Variants in EMP2 observed in about 807,000 individuals in gnomAD.
The protein encoded by EMP2 is epithelial membrane protein 2.
Under a neutral mutation model 13.7 loss-of-function variants are expected in EMP2, and 19 were observed. The observed-to-expected ratio is 1.38, with a 90% CI of 0.97 to 2.03. The LOEUF (loss-of-function observed/expected upper bound fraction) is 2.03. Among genes scored for constraint, EMP2 ranks in the 30% most tolerant of loss-of-function variants. The pLI, the probability that EMP2 is intolerant of heterozygous loss-of-function variation, is 0.00. For synonymous variants in EMP2, 97 were observed against 84.7 expected (o/e 1.15, Z -0.80); for missense variants, 253 against 220.7 (o/e 1.15, Z -0.93).
chr16:10,549,715 G>GCGCACACA (rs879352910), intron 1 of EMP2, among the ~76,000 whole-genome samples: 480 of 80,732 alleles, frequency 5.9e-3, no homozygotes, highest in African/African-American at 0.028. Flanking sequence ...ATTAATGCAC[G>GCGCACACA]CACACACACA....
intron 1 of EMP2, among the ~76,000 whole-genome samples, chr16:10,572,699 G>A (rs1297531312): frequency 1.3e-5 from 2 of 152,132 alleles, no homozygotes; most frequent in East Asian, 3.9e-4. Flanking sequence ...TTTCCAAATA[G>A]CACCTCCTCG....
chr16:10,560,788 A>C (rs143213274), intron 1 of EMP2, among the ~76,000 whole-genome samples: 79 of 152,226 alleles, frequency 5.2e-4, no homozygotes, highest in Non-Finnish European at 1.0e-3. Flanking sequence ...TGTCACAGGC[A>C]AGGAGTTCGG....
chr16:10,569,472 C>A (rs914799838), intron 1 of EMP2, among the ~76,000 whole-genome samples: 1 of 152,008 alleles, frequency 6.6e-6, no homozygotes, highest in Non-Finnish European at 1.5e-5. Flanking sequence ...GTGCATGCCA[C>A]CATACCTGGG....
rs1180516254 is a variant in EMP2 at position 10,532,762 on chromosome 16, T to TTC, written c.*142_*143insGA. 265 of 209,764 alleles carry TTC rather than the reference T, an allele frequency of 1.3e-3. 16 individuals are homozygous for TTC. The highest frequency in any genetic ancestry group is 4.6e-3 in the African/African-American group (119 of 25,832). The allele number at this position is 209,764 out of a possible 1,614,324, so 13.0% of individuals were successfully genotyped here. A position where few individuals can be genotyped will look rare whatever the true frequency, so the allele number is the denominator to read the frequency against. On this transcript the variant is annotated 3_prime_UTR_variant, in exon 5 of 5. Transcript: ENST00000359543. ...TGGATTTTTTTTTTCTTTTTTCTTTTTTTTTTTTTTTTTTTTTTTTTTTTG... is the reference window on the plus strand; with the variant it reads ...TGGATTTTTTTTTTCTTTTTTCTTTTTCTTTTTTTTTTTTTTTTTTTTTTTTG...
chr16:10,548,352 G>C (rs2050755918), intron 1 of EMP2, among the ~76,000 whole-genome samples: 1 of 152,106 alleles, frequency 6.6e-6, no homozygotes, highest in Non-Finnish European at 1.5e-5. Flanking sequence ...CAAAGCAAAA[G>C]TGATCACAAT....
chr16:10,537,460 T>C (rs945760761), intron 4 of EMP2, among the ~76,000 whole-genome samples: 4 of 152,144 alleles, frequency 2.6e-5, no homozygotes, highest in Admixed American at 1.3e-4. Flanking sequence ...AAATCCTTTC[T>C]ATGGCCTGCA....
In EMP2 at chr16:10,547,567, G is replaced by A. The variant is rs775616124; in HGVS notation, c.51C>T (p.Ala17=). 1 of 1,614,170 alleles carries A rather than the reference G, an allele frequency of 6.2e-7. No homozygotes were observed. The highest frequency in any genetic ancestry group is 1.1e-5 in the South Asian group (1 of 91,074). ...TGTCGACGGTGGCAATGAACAGCAAGGCTGCAGAGGTGATGTGGAAGGCGA... is the reference window on the plus strand; with the variant it reads ...TGTCGACGGTGGCAATGAACAGCAAAGCTGCAGAGGTGATGTGGAAGGCGA... ...FIIAFHITSA[A]LLFIATVDNA... Residue 17 remains alanine, a synonymous_variant, in exon 2 of 5, where the codon GCC becomes GCT. Transcript: ENST00000359543.
At chr16:10,573,086 G>T (rs1385254805) in intron 1 of EMP2, among the ~76,000 whole-genome samples, 4 of 152,154 alleles carry the variant, frequency 2.6e-5, no homozygotes, top group Non-Finnish European at 5.9e-5. Flanking sequence ...GTCTTGCTCT[G>T]TCACCCAGGC....
At chr16:10,541,680 A>G (rs2050699865) in intron 3 of EMP2, among the ~76,000 whole-genome samples, 1 of 152,190 alleles carries the variant, frequency 6.6e-6, no homozygotes, top group Non-Finnish European at 1.5e-5. Flanking sequence ...GCATGACAGA[A>G]TAACAGACGA....
At chr16:10,536,346 C>G (rs992310326) in intron 4 of EMP2, among the ~76,000 whole-genome samples, 1 of 152,108 alleles carries the variant, frequency 6.6e-6, no homozygotes, top group African/African-American at 2.4e-5. Context: ...GTGTCCCCAC[C>G]CCAATCTCAC....
At chr16:10,578,191 G>C (rs1259498172) in intron 1 of EMP2, 1 of 152,178 alleles carries the variant, frequency 6.6e-6, no homozygotes, top group Non-Finnish European at 1.5e-5. Context: ...CTGTATAGCA[G>C]AGGCGAGGGC....
In EMP2 at chr16:10,547,609, C is replaced by G; in HGVS notation, c.9G>C (p.Val3=). 6.2e-7 allele frequency: 1 copy of G among 1,614,116 alleles called. No homozygotes were observed. Among genetic ancestry groups the G allele is most frequent in the Non-Finnish European group, 8.5e-7 (1 of 1,180,012 alleles). The stretch of plus-strand genomic sequence containing the variant: ...GGAAGGCGATGATGAAAGCAAGAAG[C>G]ACCAACATTTTCACAGGGCAGGGCG... ML[V]LLAFIIAFHI... is the part of the protein sequence containing the mutation. The change falls in exon 2 of 5, where the codon GTG becomes GTC. Residue 3 remains valine (V), a synonymous_variant. Coordinates refer to ENST00000359543, the MANE Select transcript of EMP2 (RefSeq NM_001424.6).
intron 3 of EMP2, among the ~76,000 whole-genome samples, chr16:10,541,784 C>T (rs950094984): frequency 6.6e-6 from 1 of 152,196 alleles, no homozygotes; most frequent in African/African-American, 2.4e-5. Flanking sequence ...ATCATTCGCT[C>T]CTGGCTATGC....
chr16:10,560,743 G>C (rs1269313620), intron 1 of EMP2, among the ~76,000 whole-genome samples: 2 of 152,186 alleles, frequency 1.3e-5, no homozygotes, highest in African/African-American at 2.4e-5. Context: ...ACCTGAGCTG[G>C]GTCTCTAAGG....
intron 1 of EMP2, among the ~76,000 whole-genome samples, chr16:10,562,336 TTCTC>T (rs540802206): frequency 0.16 from 20,216 of 123,798 alleles, 1,343 homozygotes; most frequent in Non-Finnish European, 0.18. Context: ...CTCATGCATG[TTCTC>T]TCTCTCTCTC....
chr16:10,547,420 T>G, intron 2 of EMP2, 120 bp downstream of exon 2: 1 of 1,105,682 alleles, frequency 9.0e-7, no homozygotes, highest in Non-Finnish European at 1.3e-6. Context: ...CTCATTTTCC[T>G]TATAAATTAC....
At chr16:10,562,099 C>A (rs1342351519) in intron 1 of EMP2, among the ~76,000 whole-genome samples, 1 of 152,110 alleles carries the variant, frequency 6.6e-6, no homozygotes, top group Non-Finnish European at 1.5e-5. Flanking sequence ...ATTCCAAAAC[C>A]AGACAAAGAC....
At chr16:10,579,708 G>GCACGCACACACACA (rs1555461492) in intron 1 of EMP2, among the ~76,000 whole-genome samples, 3,986 of 146,736 alleles carry the variant, frequency 0.027, 83 homozygotes, top group Middle Eastern at 0.059. Flanking sequence ...AGATCAAGGT[G>GCACGCACACACACA]CACACACACA....
At chr16:10,534,845 C>T (rs1011149672) in intron 4 of EMP2, among the ~76,000 whole-genome samples, 1 of 152,216 alleles carries the variant, frequency 6.6e-6, no homozygotes, top group African/African-American at 2.4e-5. Flanking sequence ...CTGTGGTTTT[C>T]CTTGGGGGAC....
Sources: gnomAD v4.1 joint callset for allele counts (sites outside exome capture counted in the v4.1 genomes callset) on GRCh38, gnomAD v4.1.1 for gene constraint, MANE v1.5 for transcripts, NCBI Gene and HGNC (gene_info 2026-07-23, HGNC 2026-07-21) for gene names.